Variants in AGBL1 observed in about 807,000 individuals in gnomAD.
The protein encoded by AGBL1 is cytosolic carboxypeptidase 4.
A neutral mutation model predicts 118.9 loss-of-function variants in AGBL1; 130 were observed. That is an observed-to-expected ratio of 1.09 (90% CI 0.95 to 1.26). AGBL1 has a LOEUF of 1.26. Among genes scored for constraint, AGBL1 ranks in the 50% most tolerant of loss-of-function variants. The probability of loss-of-function intolerance (pLI) is 0.00; values close to 1 mark genes in which losing one functional copy is unlikely to be tolerated. For missense variants in AGBL1, 1,584 were observed against 1,298.1 expected (o/e 1.22, Z -3.38); for synonymous variants, 555 against 478.9 (o/e 1.16, Z -2.08).
chr15:86,757,559 G>T (rs1011454137), intron 22 of AGBL1, among the ~76,000 whole-genome samples: 1 of 152,080 alleles, frequency 6.6e-6, no homozygotes, highest in African/African-American at 2.4e-5. Flanking sequence ...GCTCAGTGGG[G>T]TTAAGTGACT....
intron 22 of AGBL1, among the ~76,000 whole-genome samples, chr15:86,780,848 A>G (rs530942071): frequency 1.6e-4 from 24 of 151,956 alleles, no homozygotes; most frequent in Non-Finnish European, 2.8e-4. Context: ...TTGTATTTTT[A>G]GTAGAGACGT....
At chr15:87,029,061 A>G (rs570248434), downstream of AGBL1, 11 of 508,338 alleles carry the variant, frequency 2.2e-5, no homozygotes, top group South Asian at 3.5e-4. Flanking sequence ...TTTGGTTCAT[A>G]GTTCTCTGAA....
At chr15:86,635,538 A>G (rs1487928791) in intron 21 of AGBL1, among the ~76,000 whole-genome samples, 1 of 151,718 alleles carries the variant, frequency 6.6e-6, no homozygotes, top group African/African-American at 2.4e-5. Context: ...TCAACAAGTG[A>G]TATTCCTGCC....
chr15:86,130,060 A>C (rs568462401), intron 1 of AGBL1, among the ~76,000 whole-genome samples: 13 of 152,272 alleles, frequency 8.5e-5, no homozygotes, highest in South Asian at 4.1e-4. Flanking sequence ...AAAGGTCAGC[A>C]GTCGTGTGGG....
At chr15:86,879,439 T>G (rs1171930379) in intron 22 of AGBL1, among the ~76,000 whole-genome samples, 1 of 152,270 alleles carries the variant, frequency 6.6e-6, no homozygotes, top group African/African-American at 2.4e-5. Context: ...GCTCCAGAAA[T>G]GGTGTCATCT....
chr15:86,891,007 TATTA>T (rs1485910320), intron 22 of AGBL1, among the ~76,000 whole-genome samples: 1 of 152,242 alleles, frequency 6.6e-6, no homozygotes, highest in Non-Finnish European at 1.5e-5. Context: ...ATTTTCACTA[TATTA>T]ATTCTTCCTA....
intron 22 of AGBL1, among the ~76,000 whole-genome samples, chr15:86,868,308 A>G (rs750505324): frequency 6.6e-6 from 1 of 152,238 alleles, no homozygotes; most frequent in African/African-American, 2.4e-5. Flanking sequence ...TGTGGCACTA[A>G]CTGTATAGCA....
At chr15:86,477,405 C>A (rs2082576345) in intron 18 of AGBL1, among the ~76,000 whole-genome samples, 1 of 152,098 alleles carries the variant, frequency 6.6e-6, no homozygotes, top group Non-Finnish European at 1.5e-5. Context: ...GGGATATCAC[C>A]ACCGATTCCA....
chr15:86,098,565 A>C (rs142289401), intron 1 of AGBL1, among the ~76,000 whole-genome samples: 2 of 152,142 alleles, frequency 1.3e-5, no homozygotes, highest in East Asian at 3.9e-4. Flanking sequence ...TTTGTTGAAA[A>C]GGATGTCCTT....
At chr15:86,903,332 A>C (rs2347457) in intron 22 of AGBL1, among the ~76,000 whole-genome samples, 35,275 of 150,326 alleles carry the variant, frequency 0.23, 4,343 homozygotes, top group East Asian at 0.34. Context: ...GGATTTCTCA[A>C]CTCTCCAGTT....
At chr15:86,632,274 T>TAAAAAAAA (rs138490379) in intron 21 of AGBL1, among the ~76,000 whole-genome samples, 5,548 of 123,410 alleles carry the variant, frequency 0.045, 153 homozygotes, top group Non-Finnish European at 0.067. Flanking sequence ...TCTTTCTCTT[T>TAAAAAAAA]AAAAAAAAAA....
chr15:86,840,765 G>C (rs1479753632), intron 22 of AGBL1, among the ~76,000 whole-genome samples: 2 of 152,058 alleles, frequency 1.3e-5, no homozygotes, highest in African/African-American at 4.8e-5. Context: ...TTCTTAGACA[G>C]GTATATTATT....
intron 21 of AGBL1, among the ~76,000 whole-genome samples, chr15:86,658,194 C>T (rs1021586319): frequency 2.6e-5 from 4 of 152,020 alleles, no homozygotes; most frequent in Non-Finnish European, 5.9e-5. Flanking sequence ...TTTTTGGTCA[C>T]AGCACTTTCA....
chr15:86,759,937 G>GA (rs573077391), intron 22 of AGBL1, among the ~76,000 whole-genome samples: 1 of 151,992 alleles, frequency 6.6e-6, no homozygotes, highest in Non-Finnish European at 1.5e-5. Context: ...CTGACATTTG[G>GA]AAAAATGAGG....
intron 16 of AGBL1, among the ~76,000 whole-genome samples, chr15:86,285,247 T>C (rs1184035390): frequency 6.6e-6 from 1 of 152,150 alleles, no homozygotes; most frequent in Non-Finnish European, 1.5e-5. Context: ...AAATACTTGC[T>C]GGACCTGATG....
intron 21 of AGBL1, among the ~76,000 whole-genome samples, chr15:86,628,235 A>G (rs186442942): frequency 7.9e-5 from 12 of 152,316 alleles, no homozygotes; most frequent in Admixed American, 7.8e-4. Context: ...TTTCCATTCA[A>G]ACAGGTTCTT....
chr15:86,877,795 T>C (rs1398395934), intron 22 of AGBL1, among the ~76,000 whole-genome samples: 1 of 152,188 alleles, frequency 6.6e-6, no homozygotes, highest in African/African-American at 2.4e-5. Flanking sequence ...TTATTTAAAT[T>C]GCATTTTTTT....
At chr15:86,134,620 T>C (rs1196839895) in intron 1 of AGBL1, among the ~76,000 whole-genome samples, 2 of 142,882 alleles carry the variant, frequency 1.4e-5, no homozygotes, top group African/African-American at 5.1e-5. Context: ...TTTTTTTTTT[T>C]TTTTTTTTTT....
At chr15:86,647,123 G>C (rs1170544896) in intron 21 of AGBL1, among the ~76,000 whole-genome samples, 1 of 151,888 alleles carries the variant, frequency 6.6e-6, no homozygotes, top group Non-Finnish European at 1.5e-5. Flanking sequence ...AACATTAATT[G>C]ATTTATATAA....
Sources: allele counts gnomAD v4.1 joint callset (sites outside exome capture counted in the v4.1 genomes callset), GRCh38; gene constraint gnomAD v4.1.1; transcripts MANE v1.5; gene names NCBI Gene and HGNC (gene_info 2026-07-23, HGNC 2026-07-21).